Variants in MBNL1 observed in about 807,000 individuals in gnomAD.
MBNL1 encodes the protein muscleblind-like protein 1.
In MBNL1, 8 loss-of-function variants were observed where a neutral mutation model predicts 42.2. That is an observed-to-expected ratio of 0.19 (90% CI 0.11 to 0.34). The LOEUF is 0.34. Ranked by LOEUF, MBNL1 falls within the 10% of genes least tolerant of loss-of-function variation. The pLI is 1.00. For synonymous variants in MBNL1, 169 were observed against 173.9 expected, an observed-to-expected ratio of 0.97 and a Z score of 0.22; for missense variants, 309 against 495.3, an observed-to-expected ratio of 0.62 and a Z score of 3.57.
At chr3:152,397,622 C>T (rs746117632) in intron 2 of MBNL1, among the ~76,000 whole-genome samples, 53 of 151,904 alleles carry the variant, frequency 3.5e-4, no homozygotes, top group Non-Finnish European at 5.6e-4. Context: ...AATAATAAAG[C>T]GCTGATAATC....
At position 152,379,845 on chromosome 3, in the gene MBNL1, T is replaced by C. The variant is rs16864230; in HGVS notation, c.175-35096T>C. On this transcript the variant is annotated intron_variant, in intron 2 of 9. Transcript: ENST00000324210. ...GTTAAGCTTTTCCGCCTCTGCTCCA[T>C]TGGAATGAGATAGACTAATTTCCTT... Among the ~76,000 whole-genome samples, 972 of 152,216 alleles carry C rather than the reference T, an allele frequency of 6.4e-3. 9 individuals carry two copies. The highest frequency in any genetic ancestry group is 0.022 in the African/African-American group (927 of 41,542).
At chr3:152,319,897 C>T (rs899511338) in intron 2 of MBNL1, among the ~76,000 whole-genome samples, 1 of 152,000 alleles carries the variant, frequency 6.6e-6, no homozygotes, top group Non-Finnish European at 1.5e-5. Flanking sequence ...CTGGGTCCCT[C>T]ATTGTACAGT....
intron 2 of MBNL1, among the ~76,000 whole-genome samples, chr3:152,247,527 T>C (rs1437150091): frequency 4.6e-5 from 7 of 151,988 alleles, no homozygotes; most frequent in Admixed American, 4.6e-4. Context: ...TTTAAAAAAA[T>C]AAATGAAATG....
chr3:152,338,256 A>G (rs2091824961), intron 2 of MBNL1: 5 of 985,378 alleles, frequency 5.1e-6, no homozygotes, highest in Non-Finnish European at 6.0e-6. Flanking sequence ...CTTTTCAAGC[A>G]CTACCTGAGC....
chr3:152,300,199 T>G lies in MBNL1; in HGVS notation c.6T>G (p.Ala2=). 1 of 1,593,032 alleles carries G rather than the reference T, an allele frequency of 6.3e-7. No homozygotes were observed. The highest frequency in any genetic ancestry group is 8.6e-7 in the Non-Finnish European group (1 of 1,166,990). ...ACTACCTGTAAAATCTAAACATGGC[T>G]GTTAGTGTCACACCAATTCGGGACA... M[A]VSVTPIRDTK... is the part of the protein sequence containing the mutation. Residue 2 remains alanine (A), a synonymous_variant, in exon 2 of 10, where the codon GCT becomes GCG. Transcript: ENST00000324210.
intron 1 of MBNL1, among the ~76,000 whole-genome samples, chr3:152,271,823 G>T (rs1012769616): frequency 6.6e-6 from 1 of 152,102 alleles, no homozygotes; most frequent in South Asian, 2.1e-4. Flanking sequence ...AGAATGTGCT[G>T]TCCAGTACAG....
rs145440701 is a variant in MBNL1, at chr3:152,256,133, T to G, written n.333+11693T>G. On this transcript the variant is annotated intron_variant and non_coding_transcript_variant, in intron 2 of 2. Transcript: ENST00000477171. ...GCTAACACAGTCTTGGAAAAACTGT[T>G]GTATGAAGAGAAACAGGAATTACTA... Among the ~76,000 whole-genome samples the G allele has an allele frequency of 3.2e-4, 49 of 152,274 alleles. No individual in the cohort carries two copies. The East Asian group carries it at 8.7e-3, about 27-fold the overall frequency.
intron 2 of MBNL1, among the ~76,000 whole-genome samples, chr3:152,400,397 A>G (rs1419693266): frequency 6.6e-6 from 1 of 152,230 alleles, no homozygotes; most frequent in African/African-American, 2.4e-5. Flanking sequence ...TAACATAGGA[A>G]CTGCCTAAGA....
intron 2 of MBNL1, among the ~76,000 whole-genome samples, chr3:152,250,776 T>G (rs2034390644): frequency 1.3e-5 from 2 of 151,880 alleles, no homozygotes; most frequent in South Asian, 2.1e-4. Context: ...TAGCTCTTAT[T>G]ATTTTGAGAT....
intron 1 of MBNL1, among the ~76,000 whole-genome samples, chr3:152,294,352 C>T (rs1577289518): frequency 7.0e-6 from 1 of 142,924 alleles, no homozygotes; most frequent in Non-Finnish European, 1.5e-5. Flanking sequence ...GGTGTGATCT[C>T]GGCTCACTGC....
chr3:152,265,228 A>C (rs1247768448), upstream of MBNL1: 2 of 152,210 alleles, frequency 1.3e-5, no homozygotes, highest in Non-Finnish European at 2.9e-5. Flanking sequence ...TTGACCATCT[A>C]TATTTAAATA....
intron 2 of MBNL1, among the ~76,000 whole-genome samples, chr3:152,375,153 T>C (rs2096843551): frequency 6.6e-6 from 1 of 151,928 alleles, no homozygotes. Flanking sequence ...GGAGTTGGGG[T>C]TGTTAAGCTA....
At chr3:152,394,035 G>C (rs1241586325) in intron 2 of MBNL1, among the ~76,000 whole-genome samples, 2 of 152,082 alleles carry the variant, frequency 1.3e-5, no homozygotes, top group African/African-American at 4.8e-5. Flanking sequence ...CTGACATTCA[G>C]TTCATCCTAC....
At chr3:152,366,352 AC>A (rs2096369166) in intron 2 of MBNL1, among the ~76,000 whole-genome samples, 2 of 152,128 alleles carry the variant, frequency 1.3e-5, no homozygotes, top group South Asian at 4.1e-4. Context: ...TGTAATTTTT[AC>A]CAGCTGATTT....
At chr3:152,342,553 AACACACACACAC>A (rs111644138) in intron 2 of MBNL1, among the ~76,000 whole-genome samples, 10,867 of 146,084 alleles carry the variant, frequency 0.074, 496 homozygotes, top group Middle Eastern at 0.16. Flanking sequence ...AACTAAACAA[AACACACACACAC>A]ACACACACAC....
chr3:152,446,506 T>C (rs1406255486), intron 5 of MBNL1, among the ~76,000 whole-genome samples: 5 of 152,158 alleles, frequency 3.3e-5, no homozygotes, highest in Admixed American at 3.3e-4. Flanking sequence ...AACAACTCAG[T>C]AGTGCCTTTA....
At chr3:152,389,501 A>G (rs188125390) in intron 2 of MBNL1, among the ~76,000 whole-genome samples, 53 of 152,284 alleles carry the variant, frequency 3.5e-4, no homozygotes, top group Admixed American at 3.1e-3. Flanking sequence ...CACCTGGACG[A>G]TATGGCCTCC....
At chr3:152,371,814 GTC>G (rs750271862) in intron 2 of MBNL1, among the ~76,000 whole-genome samples, 2 of 152,052 alleles carry the variant, frequency 1.3e-5, no homozygotes, top group African/African-American at 4.8e-5. Context: ...CTTTGTGGTG[GTC>G]TCTGTCTTTC....
In MBNL1 at chr3:152,343,605, C is replaced by T. The variant is rs538764462; in HGVS notation, c.174+43238C>T. Among the ~76,000 whole-genome samples, 5 of 152,130 alleles carry T rather than the reference C, an allele frequency of 3.3e-5. No individual in the cohort carries two copies. In the South Asian group the frequency reaches 1.0e-3, roughly 32 times the overall value. ...CCAAGCCATCAAAGGGGTTAGAAAT[C>T]GAGGCTGCAGTGCAGAAAGCATAGG... On this transcript the variant is annotated intron_variant, in intron 2 of 9. Transcript: ENST00000324210.
Sources: allele counts gnomAD v4.1 joint callset (sites outside exome capture counted in the v4.1 genomes callset), GRCh38; gene constraint gnomAD v4.1.1; transcripts MANE v1.5; gene names NCBI Gene and HGNC (gene_info 2026-07-23, HGNC 2026-07-21).